PRDM1: variants seen among roughly 807,000 people sequenced by gnomAD.
PRDM1 encodes the protein PR domain zinc finger protein 1.
In PRDM1, 13 loss-of-function variants were observed where a neutral mutation model predicts 62.8. The observed-to-expected ratio is 0.21, with a 90% confidence interval of 0.13 to 0.33. PRDM1 has a LOEUF of 0.33. Among genes scored for constraint, PRDM1 ranks in the 10% least tolerant of loss-of-function variants. The pLI is 1.00. For synonymous variants in PRDM1, 396 were observed against 417.6 expected, an observed-to-expected ratio of 0.95 and a Z score of 0.63; for missense variants, 895 against 1,058.8, an observed-to-expected ratio of 0.85 and a Z score of 2.15.
chr6:106,094,895 C>T (rs943004993), intron 2 of PRDM1, among the ~76,000 whole-genome samples: 1 of 140,052 alleles, frequency 7.1e-6, no homozygotes, highest in Non-Finnish European at 1.6e-5. Context: ...AGTGGGAGAC[C>T]TTGTCTTTAA....
rs1005434179 is a variant in PRDM1 at position 106,105,139 on chromosome 6, T to A, written c.979T>A (p.Ser327Thr). Reference sequence around the variant, plus strand: ...CGAGAGACCCACGTACATCACTCGCTCCCCCATTCCATCCTCCACCACTCC... The same window carrying A: ...CGAGAGACCCACGTACATCACTCGCACCCCCATTCCATCCTCCACCACTCC... ...GIERPTYITR[S>T]PIPSSTTPSP... Residue 327 changes from serine to threonine, a missense_variant, in exon 5 of 7, where the codon TCC becomes ACC. This residue lies in a region of PRDM1 where 444 missense variants were observed against 422.7 expected (regional missense o/e 1.05). Coordinates refer to ENST00000369096, the MANE Select transcript of PRDM1 (RefSeq NM_001198.4). 1.9e-6 allele frequency: 3 copies of A among 1,612,720 alleles called. No homozygotes were observed. Among genetic ancestry groups the A allele is most frequent in the African/African-American group, 2.7e-5 (2 of 74,766 alleles).
intron 1 of PRDM1, among the ~76,000 whole-genome samples, chr6:106,002,208 A>G (rs887790782): frequency 6.6e-6 from 1 of 152,210 alleles, no homozygotes; most frequent in Non-Finnish European, 1.5e-5. Context: ...TTTGTCATTA[A>G]GCAGAGGTAG....
At chr6:106,067,844 C>T (rs1375677421) in intron 1 of PRDM1, among the ~76,000 whole-genome samples, 2 of 151,950 alleles carry the variant, frequency 1.3e-5, no homozygotes, top group Non-Finnish European at 2.9e-5. Context: ...GAGTCGTATG[C>T]TCTAAAATGA....
chr6:105,993,597 G>A (rs1238405221), exon 1 of PRDM1, among the ~76,000 whole-genome samples: 1 of 152,222 alleles, frequency 6.6e-6, no homozygotes. Flanking sequence ...GAGCTGCGCT[G>A]GTGTGCCGCT....
At chr6:106,081,263 C>T (rs1325963712) in intron 1 of PRDM1, among the ~76,000 whole-genome samples, 1 of 152,136 alleles carries the variant, frequency 6.6e-6, no homozygotes, top group Non-Finnish European at 1.5e-5. Context: ...AAAGGTTCTC[C>T]AATAAGCGCA....
At position 106,095,774 on chromosome 6, in the gene PRDM1, G is replaced by A. The variant is rs779630349; in HGVS notation, c.411+40G>A. ...TTTCTTCAGACCCATTAAATGTTAGGAAAAAATGGAGCTAAAAGAGCTGGG... is the reference window on the plus strand; with the variant it reads ...TTTCTTCAGACCCATTAAATGTTAGAAAAAAATGGAGCTAAAAGAGCTGGG... On this transcript the variant is annotated intron_variant, in intron 3 of 6. Coordinates refer to ENST00000369096, the MANE Select transcript of PRDM1 (RefSeq NM_001198.4). 2.5e-6 allele frequency: 4 copies of A among 1,604,130 alleles called. No homozygotes were observed. The South Asian group carries it at 4.4e-5, about 18-fold the overall frequency.
chr6:106,088,816 T>G (rs999217012), intron 2 of PRDM1, among the ~76,000 whole-genome samples: 4 of 152,198 alleles, frequency 2.6e-5, no homozygotes, highest in East Asian at 3.8e-4. Flanking sequence ...AAACTTTTTC[T>G]TGGAAAAAAA....
At chr6:106,025,554 T>C (rs1255848402) in intron 1 of PRDM1, among the ~76,000 whole-genome samples, 1 of 152,234 alleles carries the variant, frequency 6.6e-6, no homozygotes, top group African/African-American at 2.4e-5. Flanking sequence ...TAGTCAAATC[T>C]TGAATCTGCT....
rs1210056136 is a variant in PRDM1, at chr6:105,994,811, C to G, written c.-67+1172C>G. ...GGCGGGGATGGCTGGGTGTGCAAAC[C>G]GAAAACAGTTTGTCAGCCCTCCAGT... is the stretch of plus-strand genomic sequence containing the variant. On this transcript the variant is annotated intron_variant, in intron 1 of 6. Coordinates refer to the PRDM1 transcript ENST00000652320. The surrounding 1 kb of genome is among the most constrained non-coding windows in gnomAD (Gnocchi z 4.1). Among the ~76,000 whole-genome samples the G allele has an allele frequency of 2.6e-5, 4 of 152,186 alleles. No individual in the cohort carries two copies. The highest frequency in any genetic ancestry group is 9.7e-5 in the African/African-American group (4 of 41,440).
At chr6:106,096,938 A>G (rs1774130775) in intron 3 of PRDM1, among the ~76,000 whole-genome samples, 1 of 152,190 alleles carries the variant, frequency 6.6e-6, no homozygotes, top group African/African-American at 2.4e-5. Flanking sequence ...AAATTGTGTT[A>G]TGCTTGCTTT....
At chr6:106,028,688 A>G (rs1392895071) in intron 1 of PRDM1, among the ~76,000 whole-genome samples, 1 of 152,166 alleles carries the variant, frequency 6.6e-6, no homozygotes, top group Non-Finnish European at 1.5e-5. Context: ...ATACATTTTG[A>G]CATCCACAGA....
intron 1 of PRDM1, among the ~76,000 whole-genome samples, chr6:106,024,884 CCAA>C (rs1772744957): frequency 6.6e-6 from 1 of 152,032 alleles, no homozygotes; most frequent in South Asian, 2.1e-4. Context: ...ATGCTCATAA[CCAA>C]CAACAACAAA....
At chr6:106,105,975 T>C (rs756299694) in intron 5 of PRDM1, 42 bp downstream of exon 5, 2 of 1,568,058 alleles carry the variant, frequency 1.3e-6, no homozygotes, top group Admixed American at 1.9e-5. Flanking sequence ...TGTGAGTGCA[T>C]GCTTGTGTTT....
upstream of PRDM1, among the ~76,000 whole-genome samples, chr6:106,085,663 T>C (rs1443911076): frequency 6.6e-6 from 1 of 152,238 alleles, no homozygotes; most frequent in Non-Finnish European, 1.5e-5. Context: ...GTGAAACGAC[T>C]AATGCTCTAC....
At chr6:106,062,003 G>A (rs1484225440) in intron 1 of PRDM1, among the ~76,000 whole-genome samples, 1 of 152,178 alleles carries the variant, frequency 6.6e-6, no homozygotes, top group East Asian at 1.9e-4. Flanking sequence ...GCTGAAAAAT[G>A]CCAGTATAGG....
Position 106,109,338 on chromosome 6 carries a change from TC to T in PRDM1, c.*1853del, listed in dbSNP as rs1774619067. On this transcript the variant is annotated 3_prime_UTR_variant, in exon 7 of 7. Transcript: ENST00000369096. Reference sequence around the variant, plus strand: ...TTATGATTATGTGGTCACACCCAAGTCACAGAAATAAAAAACTGACTTTACC... The same window carrying T: ...TTATGATTATGTGGTCACACCCAAGTACAGAAATAAAAAACTGACTTTACC... The T allele has an allele frequency of 4.3e-6, 1 of 232,870 alleles. No individual in the cohort carries two copies. The highest frequency in any genetic ancestry group is 8.5e-6 in the Non-Finnish European group (1 of 117,702). 14.4% of individuals were successfully genotyped at this position (232,870 alleles called of 1,614,324 possible). A position where few individuals can be genotyped will look rare whatever the true frequency, so the allele number is the denominator to read the frequency against.
At chr6:106,033,812 G>A (rs1173756380) in intron 1 of PRDM1, among the ~76,000 whole-genome samples, 5 of 151,902 alleles carry the variant, frequency 3.3e-5, no homozygotes, top group Non-Finnish European at 7.4e-5. Context: ...AGCTTGAGAA[G>A]AATTGGTGTT....
intron 3 of PRDM1, chr6:106,098,164 G>A (rs1303319785): frequency 1.2e-5 from 12 of 984,578 alleles, no homozygotes; most frequent in Non-Finnish European, 1.4e-5. Flanking sequence ...TTCCTGCTAC[G>A]AACAGTGCCT....
chr6:106,004,296 T>C (rs1267596197), intron 1 of PRDM1, among the ~76,000 whole-genome samples: 7 of 152,044 alleles, frequency 4.6e-5, no homozygotes, highest in African/African-American at 1.7e-4. Context: ...ATGTGAGCTA[T>C]TGAGGGTAGA....
Sources: gnomAD v4.1 joint callset for allele counts (sites outside exome capture counted in the v4.1 genomes callset) on GRCh38, gnomAD v4.1.1 for gene constraint, gnomAD v4.1.1 regional missense constraint, Gnocchi (gnomAD v3.1) non-coding constraint, MANE v1.5 for transcripts, NCBI Gene and HGNC (gene_info 2026-07-23, HGNC 2026-07-21) for gene names.